AXDND1: variants seen among roughly 807,000 people sequenced by gnomAD.
AXDND1 encodes the protein axonemal dynein light chain domain containing 1, also known as axonemal dynein light chain domain-containing protein 1.
AXDND1 carries 110 observed loss-of-function variants against 137.5 expected under a neutral mutation model. The ratio of observed to expected loss-of-function variants is 0.80; its 90% CI spans 0.69 to 0.94. AXDND1 has a LOEUF of 0.94. AXDND1 is among the 40% of genes least tolerant of loss of function. The probability of loss-of-function intolerance (pLI) is 0.00; values close to 1 mark genes in which losing one functional copy is unlikely to be tolerated. For missense variants in AXDND1, 1,191 were observed against 1,169.8 expected, an observed-to-expected ratio of 1.02 and a Z score of -0.26; for synonymous variants, 414 against 399.7, an observed-to-expected ratio of 1.04 and a Z score of -0.43.
chr1:179,491,196 A>G (rs1415748278), intron 18 of AXDND1, among the ~76,000 whole-genome samples: 6 of 152,150 alleles, frequency 3.9e-5, no homozygotes, highest in African/African-American at 1.4e-4. Context: ...TGGTGGTCCC[A>G]GCTACTCAGG....
In AXDND1 at chr1:179,366,542, A is replaced by G. The variant is rs916045068; in HGVS notation, c.33A>G (p.Leu11=). Residue 11 remains leucine, a synonymous_variant, in exon 2 of 26, where the codon CTA becomes CTG. Coordinates refer to ENST00000367618, the MANE Select transcript of AXDND1 (RefSeq NM_144696.6). ...TCCCGAAAACGCCCTCCACCCCGCT[A>G]AACTCTACATCAACATCTGAGAGCA... MSLPKTPSTP[L]NSTSTSESKK... is the part of the protein sequence containing the mutation. 1 of 1,613,670 alleles carries G rather than the reference A, an allele frequency of 6.2e-7. No individual in the cohort carries two copies. The highest frequency in any genetic ancestry group is 8.5e-7 in the Non-Finnish European group (1 of 1,179,784).
Position 179,507,524 on chromosome 1 carries a change from A to G in AXDND1, c.2389-1772A>G, listed in dbSNP as rs867018194. ...AAGCTTTATATCTGGAAGGATACTTAGGGGCAGTGGTGTGATAGAAACTCA... is the reference window on the plus strand; with the variant it reads ...AAGCTTTATATCTGGAAGGATACTTGGGGGCAGTGGTGTGATAGAAACTCA... On this transcript the variant is annotated intron_variant, in intron 20 of 25. Transcript: ENST00000367618. Among the ~76,000 whole-genome samples the G allele has an allele frequency of 4.6e-5, 7 of 152,244 alleles. No individual in the cohort carries two copies. In the South Asian group the frequency reaches 6.2e-4, roughly 13 times the overall value.
intron 11 of AXDND1, among the ~76,000 whole-genome samples, chr1:179,400,609 A>AAAT (rs1377907697): frequency 6.6e-6 from 1 of 151,374 alleles, no homozygotes; most frequent in African/African-American, 2.4e-5. Context: ...ATAAAAAAAA[A>AAAT]AAAAGAGAAG....
intron 17 of AXDND1, among the ~76,000 whole-genome samples, chr1:179,474,271 G>T (rs1664339276): frequency 6.6e-6 from 1 of 151,890 alleles, no homozygotes. Flanking sequence ...AGCAGTGTGA[G>T]AATGGAGTAA....
At chr1:179,409,918 A>G (rs1005954111) in intron 11 of AXDND1, among the ~76,000 whole-genome samples, 2 of 151,648 alleles carry the variant, frequency 1.3e-5, no homozygotes, top group African/African-American at 4.8e-5. Flanking sequence ...TTATCTGTCT[A>G]CTCTTTTGTT....
intron 16 of AXDND1, among the ~76,000 whole-genome samples, chr1:179,460,116 A>G (rs1431701287): frequency 6.6e-6 from 1 of 151,574 alleles, no homozygotes; most frequent in Non-Finnish European, 1.5e-5. Flanking sequence ...ATGTGTATAC[A>G]TGTGCCATGT....
intron 12 of AXDND1, among the ~76,000 whole-genome samples, chr1:179,420,596 T>C (rs1451642498): frequency 6.6e-6 from 1 of 152,064 alleles, no homozygotes; most frequent in Admixed American, 6.6e-5. Flanking sequence ...CTTTGTGTTA[T>C]GGCTTTGATC....
At chr1:179,409,824 AAAACG>A (rs752407917) in intron 11 of AXDND1, among the ~76,000 whole-genome samples, 16 of 152,216 alleles carry the variant, frequency 1.1e-4, no homozygotes, top group African/African-American at 1.7e-4. Flanking sequence ...AAAACAACAA[AAAACG>A]AAACAAAACA....
intron 21 of AXDND1, among the ~76,000 whole-genome samples, chr1:179,524,167 T>C (rs369968978): frequency 1.2e-4 from 18 of 152,298 alleles, no homozygotes; most frequent in African/African-American, 3.8e-4. Context: ...TAAAATTATC[T>C]TTTTCATATA....
intron 25 of AXDND1, among the ~76,000 whole-genome samples, chr1:179,536,098 G>T (rs368921679): frequency 6.6e-6 from 1 of 152,298 alleles, no homozygotes; most frequent in East Asian, 1.9e-4. Flanking sequence ...ATTTGTTGAA[G>T]TTCTTTGTAG....
intron 25 of AXDND1, among the ~76,000 whole-genome samples, chr1:179,535,978 A>G (rs567114579): frequency 2.0e-5 from 3 of 152,162 alleles, no homozygotes; most frequent in African/African-American, 4.8e-5. Flanking sequence ...GACCAGTGAT[A>G]ATGAGCATTT....
intron 16 of AXDND1, among the ~76,000 whole-genome samples, chr1:179,464,536 C>G (rs1467450627): frequency 2.6e-5 from 4 of 152,136 alleles, no homozygotes; most frequent in Admixed American, 2.0e-4. Flanking sequence ...TTCTCTGTGG[C>G]TGCCCTTAAC....
At chr1:179,468,673 A>G in intron 17 of AXDND1, 32 bp downstream of exon 17, 3 of 1,540,136 alleles carry the variant, frequency 1.9e-6, no homozygotes, top group Non-Finnish European at 2.6e-6. Flanking sequence ...TTGTTCTGAG[A>G]TAATTTTCCT....
intron 20 of AXDND1, among the ~76,000 whole-genome samples, chr1:179,502,676 T>A (rs1213915843): frequency 6.7e-6 from 1 of 150,218 alleles, no homozygotes; most frequent in African/African-American, 2.4e-5. Context: ...AATTTGTACA[T>A]CCACTTTGGA....
intron 12 of AXDND1, among the ~76,000 whole-genome samples, chr1:179,413,126 C>T (rs1013288385): frequency 2.0e-5 from 3 of 152,050 alleles, no homozygotes; most frequent in Non-Finnish European, 2.9e-5. Context: ...AAAACAAATC[C>T]ACACATGTTT....
chr1:179,428,352 G>T (rs1187123787), intron 12 of AXDND1, among the ~76,000 whole-genome samples: 1 of 152,248 alleles, frequency 6.6e-6, no homozygotes, highest in Admixed American at 6.5e-5. Flanking sequence ...CTTTGTGTTA[G>T]ATCATCCCTA....
At chr1:179,373,453 C>T (rs1462732353) in intron 4 of AXDND1, among the ~76,000 whole-genome samples, 1 of 152,164 alleles carries the variant, frequency 6.6e-6, no homozygotes, top group Non-Finnish European at 1.5e-5. Context: ...CACTCACTTT[C>T]TTCACAGAAT....
Position 179,528,409 on chromosome 1 carries a change from A to C in AXDND1, c.2693A>C (p.Glu898Ala), listed in dbSNP as rs1670741199. 1 of 1,612,928 alleles carries C rather than the reference A, an allele frequency of 6.2e-7. No homozygotes were observed. The highest frequency in any genetic ancestry group is 1.1e-5 in the South Asian group (1 of 91,056). ...AATGTTCATTCCAAACCTCTATTTG[A>C]AACAGATGTGTTGTCTTCCTGGGTA... ...DENVHSKPLF[E>A]TDVLSSWRES... Residue 898 changes from glutamate to alanine, a missense_variant, in exon 23 of 26, where the codon GAA becomes GCA. By Grantham distance (107) the Glu-to-Ala change is moderately radical. Coordinates refer to ENST00000367618, the MANE Select transcript of AXDND1 (RefSeq NM_144696.6).
chr1:179,535,859 A>G (rs112644166), intron 25 of AXDND1, among the ~76,000 whole-genome samples: 4,588 of 152,212 alleles, frequency 0.03, 215 homozygotes, highest in African/African-American at 0.1. Context: ...AAGTGTTCCT[A>G]TTTCTCCACA....
Sources: gnomAD v4.1 joint callset for allele counts (sites outside exome capture counted in the v4.1 genomes callset) on GRCh38, gnomAD v4.1.1 for gene constraint, MANE v1.5 for transcripts, NCBI Gene and HGNC (gene_info 2026-07-23, HGNC 2026-07-21) for gene names.